RBFOX1: variants seen among roughly 807,000 people sequenced by gnomAD.
RBFOX1 encodes the protein RNA binding fox-1 homolog 1.
RBFOX1 carries 8 observed loss-of-function variants against 57.7 expected under a neutral mutation model. The observed-to-expected ratio is 0.14, with a 90% CI of 0.08 to 0.25. The LOEUF is 0.25. RBFOX1 is among the 10% of genes least tolerant of loss of function. RBFOX1 has a pLI of 1.00. For missense variants in RBFOX1, 611 were observed against 548.5 expected (o/e 1.11, Z -1.14); for synonymous variants, 326 against 222.4 (o/e 1.47, Z -4.15).
At chr16:7,214,249 A>G (rs1455939313) in intron 4 of RBFOX1, among the ~76,000 whole-genome samples, 1 of 152,068 alleles carries the variant, frequency 6.6e-6, no homozygotes, top group Non-Finnish European at 1.5e-5. Context: ...TTCTCAAAAG[A>G]CTTCTGAAAT....
At chr16:6,943,986 C>G (rs954075301) in intron 3 of RBFOX1, among the ~76,000 whole-genome samples, 9 of 152,142 alleles carry the variant, frequency 5.9e-5, no homozygotes, top group Non-Finnish European at 1.2e-4. Context: ...AACTCACGAA[C>G]TGTTCATTGC....
At chr16:6,813,347 G>A (rs1004906661) in intron 3 of RBFOX1, among the ~76,000 whole-genome samples, 45 of 152,100 alleles carry the variant, frequency 3.0e-4, no homozygotes, top group Non-Finnish European at 6.6e-4. Flanking sequence ...TCATGTAACT[G>A]CCTTCAGAAG....
intron 3 of RBFOX1, among the ~76,000 whole-genome samples, chr16:5,716,212 A>G (rs907976414): frequency 6.6e-6 from 1 of 152,176 alleles, no homozygotes; most frequent in Admixed American, 6.6e-5. Context: ...GGTTGGCGTG[A>G]AAGTAATTTT....
intron 2 of RBFOX1, among the ~76,000 whole-genome samples, chr16:6,476,218 C>A (rs2095269521): frequency 6.6e-6 from 1 of 152,262 alleles, no homozygotes; most frequent in African/African-American, 2.4e-5. Flanking sequence ...CCTATAATCT[C>A]ACTAGCAAAT....
intron 4 of RBFOX1, among the ~76,000 whole-genome samples, chr16:7,283,015 G>A (rs2141232795): frequency 6.6e-6 from 1 of 152,264 alleles, no homozygotes; most frequent in Admixed American, 6.5e-5. Context: ...TTATGGATGG[G>A]TTGGTTCCAC....
intron 4 of RBFOX1, among the ~76,000 whole-genome samples, chr16:5,871,511 C>T (rs765317809): frequency 6.6e-6 from 1 of 152,136 alleles, no homozygotes; most frequent in Non-Finnish European, 1.5e-5. Flanking sequence ...CCTGTTTTAT[C>T]GCAAAAACGC....
At chr16:5,755,280 C>T (rs892579244) in intron 3 of RBFOX1, among the ~76,000 whole-genome samples, 1 of 150,994 alleles carries the variant, frequency 6.6e-6, no homozygotes, top group Non-Finnish European at 1.5e-5. Context: ...TAGTACATAA[C>T]AAAATGGAGT....
At chr16:7,369,792 A>G (rs2097534683) in intron 4 of RBFOX1, among the ~76,000 whole-genome samples, 1 of 152,160 alleles carries the variant, frequency 6.6e-6, no homozygotes, top group South Asian at 2.1e-4. Flanking sequence ...AATAATAATA[A>G]TTGCAGTGAT....
At chr16:6,422,133 G>A (rs1171004331) in intron 2 of RBFOX1, among the ~76,000 whole-genome samples, 1 of 151,622 alleles carries the variant, frequency 6.6e-6, no homozygotes, top group East Asian at 1.9e-4. Context: ...ATTTTGGCCT[G>A]GCTGGTCTCA....
intron 2 of RBFOX1, among the ~76,000 whole-genome samples, chr16:6,347,398 T>C (rs1320818664): frequency 1.3e-5 from 2 of 152,208 alleles, no homozygotes; most frequent in Non-Finnish European, 2.9e-5. Flanking sequence ...GTTCCTTTCT[T>C]CTCATTTGGC....
intron 1 of RBFOX1, among the ~76,000 whole-genome samples, chr16:6,094,335 T>C (rs1049047579): frequency 2.0e-5 from 3 of 152,140 alleles, no homozygotes; most frequent in Non-Finnish European, 4.4e-5. Flanking sequence ...AACTATTCCA[T>C]TTCTTTTGAA....
At chr16:7,185,502 A>G (rs1258727992) in intron 4 of RBFOX1, among the ~76,000 whole-genome samples, 1 of 152,190 alleles carries the variant, frequency 6.6e-6, no homozygotes, top group Non-Finnish European at 1.5e-5. Context: ...TTGCATCCTA[A>G]TAATTCTTAT....
At chr16:7,659,711 C>G (rs1260310817) in intron 12 of RBFOX1, among the ~76,000 whole-genome samples, 1 of 152,226 alleles carries the variant, frequency 6.6e-6, no homozygotes, top group African/African-American at 2.4e-5. Context: ...GGACAAGCTG[C>G]CTTTGCAGAA....
intron 3 of RBFOX1, among the ~76,000 whole-genome samples, chr16:6,930,011 A>ATC (rs1555637867): frequency 6.6e-6 from 1 of 152,086 alleles, no homozygotes; most frequent in African/African-American, 2.4e-5. Context: ...ACAGAGCGAG[A>ATC]TCTCTCTCTT....
At chr16:7,229,153 A>G (rs949794482) in intron 4 of RBFOX1, among the ~76,000 whole-genome samples, 1 of 152,226 alleles carries the variant, frequency 6.6e-6, no homozygotes, top group South Asian at 2.1e-4. Flanking sequence ...TAAACATAAA[A>G]AGGAAAATCC....
chr16:6,565,126 CAAAAAAAA>C (rs34624731), intron 2 of RBFOX1, among the ~76,000 whole-genome samples: 1 of 98,256 alleles, frequency 1.0e-5, no homozygotes, highest in Admixed American at 1.0e-4. Flanking sequence ...ACTCTGTCTC[CAAAAAAAA>C]AAAAAAAAAA....
chr16:6,398,438 T>C (rs2092929923), intron 2 of RBFOX1, among the ~76,000 whole-genome samples: 1 of 151,968 alleles, frequency 6.6e-6, no homozygotes, highest in South Asian at 2.1e-4. Context: ...ACAAAGTAAC[T>C]CTGTTCTGCC....
At chr16:7,702,685 C>T (rs1247594248) in intron 14 of RBFOX1, among the ~76,000 whole-genome samples, 3 of 152,132 alleles carry the variant, frequency 2.0e-5, no homozygotes, top group Non-Finnish European at 4.4e-5. Flanking sequence ...CCTTTCCAGC[C>T]CCTGAGAATT....
chr16:6,784,370 TC>T (rs975937519), intron 3 of RBFOX1, among the ~76,000 whole-genome samples: 4 of 152,172 alleles, frequency 2.6e-5, no homozygotes, highest in African/African-American at 7.2e-5. Flanking sequence ...ACTGATTCTT[TC>T]TTCTGCTTCA....
Sources: allele counts gnomAD v4.1 joint callset (sites outside exome capture counted in the v4.1 genomes callset), GRCh38; gene constraint gnomAD v4.1.1; transcripts MANE v1.5; gene names NCBI Gene and HGNC (gene_info 2026-07-23, HGNC 2026-07-21).